GBP3: variants seen among roughly 807,000 people sequenced by gnomAD.
GBP3 encodes the protein guanylate binding protein 3.
GBP3 carries 55 observed loss-of-function variants against 62.4 expected under a neutral mutation model. The observed-to-expected ratio is 0.88, with a 90% confidence interval of 0.71 to 1.10. The LOEUF (loss-of-function observed/expected upper bound fraction) is 1.10. Among genes scored for constraint, GBP3 ranks in the 50% least tolerant of loss-of-function variants. GBP3 has a pLI of 0.00. For missense variants in GBP3, 605 were observed against 690.6 expected (o/e 0.88, Z 1.39); for synonymous variants, 208 against 259.2 (o/e 0.80, Z 1.90).
At chr1:89,010,491 C>T (rs1169285173) in intron 8 of GBP3, among the ~76,000 whole-genome samples, 1 of 137,892 alleles carries the variant, frequency 7.3e-6, no homozygotes, top group African/African-American at 2.5e-5. Context: ...GCAATCTTGG[C>T]TCACTGAACC....
rs74672277 is a variant in GBP3, at chr1:89,012,580, C to A, written c.869-553G>T. Among the ~76,000 whole-genome samples, 954 of 138,488 alleles carry A rather than the reference C, an allele frequency of 6.9e-3. 236 individuals are homozygous for A. Among genetic ancestry groups the A allele is most frequent in the Non-Finnish European group, 0.011 (659 of 59,966 alleles). 90.9% of individuals were successfully genotyped at this position (138,488 alleles called of 152,430 possible). ...TTTGAAATATAGCCATGTGAATTGA[C>A]CTTTAATTTTTCCTTATTTTAATTA... On this transcript the variant is annotated intron_variant, in intron 6 of 10. Transcript: ENST00000370481.
At chr1:89,011,605 A>C in intron 7 of GBP3, 142 bp downstream of exon 7, 1 of 1,067,766 alleles carries the variant, frequency 9.4e-7, no homozygotes. Flanking sequence ...TTTTTGTCTG[A>C]TTATTATGAT....
intron 2 of GBP3, among the ~76,000 whole-genome samples, chr1:89,019,349 C>T (rs1424167899): frequency 6.6e-6 from 1 of 152,250 alleles, no homozygotes; most frequent in African/African-American, 2.4e-5. Flanking sequence ...AGTGCAAAGG[C>T]ACGATCTTGG....
intron 8 of GBP3, 113 bp from the exon 9 acceptor site, chr1:89,009,607 G>A (rs1272287860): frequency 2.0e-6 from 3 of 1,469,474 alleles, no homozygotes; most frequent in Non-Finnish European, 2.8e-6. Flanking sequence ...GCCCTGGTGT[G>A]CCTGGTGGTC....
Position 89,008,929 on chromosome 1 carries a change from G to A in GBP3, c.1659+18C>T, listed in dbSNP as rs1389576716. ...GAGAAAACAGAAAAACGAACCACAA[G>A]GTGATGCATTTGGATACCTGAAGTT... On this transcript the variant is annotated intron_variant, in intron 10 of 10. Coordinates refer to ENST00000370481, the MANE Select transcript of GBP3 (RefSeq NM_018284.3). 6.2e-7 allele frequency: 1 copy of A among 1,613,870 alleles called. No individual in the cohort carries two copies.
chr1:89,016,222 A>T (rs1351481869), intron 2 of GBP3, among the ~76,000 whole-genome samples: 1 of 152,174 alleles, frequency 6.6e-6, no homozygotes, highest in African/African-American at 2.4e-5. Context: ...TTCAGAATAA[A>T]ATTGGCCAGG....
At chr1:89,012,206 GT>G (rs960307716) in intron 6 of GBP3, among the ~76,000 whole-genome samples, 179 bp from the exon 7 acceptor site, 1 of 138,908 alleles carries the variant, frequency 7.2e-6, no homozygotes, top group Non-Finnish European at 1.7e-5. Flanking sequence ...CTGAATTAGA[GT>G]TTTTTCTTTG....
At chr1:89,018,474 T>C (rs896433957) in intron 2 of GBP3, among the ~76,000 whole-genome samples, 1 of 152,248 alleles carries the variant, frequency 6.6e-6, no homozygotes, top group Non-Finnish European at 1.5e-5. Flanking sequence ...TGAGAATTTC[T>C]GGTCTAACCG....
At chr1:89,022,619 T>G (rs1450783778) in intron 1 of GBP3, 65 bp downstream of exon 1, 1 of 152,212 alleles carries the variant, frequency 6.6e-6, no homozygotes, top group African/African-American at 2.4e-5. Context: ...GCCACAACGT[T>G]ATAGGCTCCA....
intron 7 of GBP3, among the ~76,000 whole-genome samples, chr1:89,011,484 G>C (rs574783242): frequency 7.2e-6 from 1 of 139,462 alleles, no homozygotes; most frequent in Non-Finnish European, 1.7e-5. Flanking sequence ...AGAAGAGTGG[G>C]CATGTAATTT....
Position 89,013,410 on chromosome 1 carries a change from T to G in GBP3, c.643A>C (p.Lys215Gln). The stretch of plus-strand genomic sequence containing the variant: ...CAGAGTCGGGGCAGATTAAAATTTT[T>G]ATCTTTTTGACTGGTACCTAGAGAA... ...KLTQGTSQKD[K>Q]NFNLPRLCIR... Residue 215 changes from lysine (K) to glutamine (Q), a missense_variant, in exon 6 of 11, where the codon AAA (lysine) becomes CAA (glutamine). Physicochemically the swap from Lys to Gln is moderately conservative, Grantham distance 53. Around this residue, in one of 3 missense-constraint regions of GBP3, gnomAD observed 308 missense variants for 318.0 expected, o/e 0.97. Coordinates refer to ENST00000370481, the MANE Select transcript of GBP3 (RefSeq NM_018284.3). 6.2e-7 allele frequency: 1 copy of G among 1,611,438 alleles called. No homozygotes were observed.
intron 2 of GBP3, among the ~76,000 whole-genome samples, chr1:89,017,059 C>T (rs1678924760): frequency 6.6e-6 from 1 of 152,034 alleles, no homozygotes; most frequent in South Asian, 2.1e-4. Flanking sequence ...TCAAAATAAT[C>T]TCAAAAAGGA....
At chr1:89,013,473 TA>T in intron 5 of GBP3, 46 bp from the exon 6 acceptor site, 1 of 1,561,034 alleles carries the variant, frequency 6.4e-7, no homozygotes, top group African/African-American at 1.4e-5. Flanking sequence ...AGTGTTTCCG[TA>T]AAGCGTCAAA....
Position 89,014,290 on chromosome 1 carries a change from A to T in GBP3, c.429-11T>A, listed in dbSNP as rs1185895713. On this transcript the variant is annotated splice_polypyrimidine_tract_variant and intron_variant, in intron 4 of 10. Transcript: ENST00000370481. ...AGCTCTGTCACATAGCTGAGTAGCT[A>T]ACTAAGGAAATGTGACAAAATGAAC... 1.2e-6 allele frequency: 2 copies of T among 1,614,094 alleles called. No homozygotes were observed. Among genetic ancestry groups the T allele is most frequent in the South Asian group, 2.2e-5 (2 of 91,080 alleles).
Position 89,013,178 on chromosome 1 carries a change from G to C in GBP3, c.868+7C>G. The stretch of plus-strand genomic sequence containing the variant: ...CAATGAGTGGAAGTACTACGAAGGG[G>C]ACTTACGAGGCCCATTGACCTTGAT... On this transcript the variant is annotated splice_region_variant and intron_variant, in intron 6 of 10. Transcript: ENST00000370481. 1 of 1,612,164 alleles carries C rather than the reference G, an allele frequency of 6.2e-7. No individual in the cohort carries two copies. The highest frequency in any genetic ancestry group is 8.5e-7 in the Non-Finnish European group (1 of 1,178,470).
Position 89,011,697 on chromosome 1 carries a change from TAC to T in GBP3, c.1149+48_1149+49del. 5 of 1,449,556 alleles carry T rather than the reference TAC, an allele frequency of 3.4e-6. 2 individuals are homozygous for T. Among genetic ancestry groups the T allele is most frequent in the Non-Finnish European group, 4.8e-6 (5 of 1,045,864 alleles). The allele number at this position is 1,449,556 out of a possible 1,614,324, so 89.8% of individuals were successfully genotyped here. Reference sequence around the variant, plus strand: ...AAATACCAATTTCATTTCTTAGTAGTACTTTGCCTTCCAAAATCCAAATCCAT... The same window carrying T: ...AAATACCAATTTCATTTCTTAGTAGTTTTGCCTTCCAAAATCCAAATCCAT... On this transcript the variant is annotated intron_variant, in intron 7 of 10. Transcript: ENST00000370481.
intron 2 of GBP3, among the ~76,000 whole-genome samples, chr1:89,016,017 G>A (rs1678871496): frequency 1.3e-5 from 2 of 152,294 alleles, no homozygotes; most frequent in South Asian, 4.1e-4. Context: ...TCTATTTACT[G>A]ATGATATGAT....
At chr1:89,021,788 T>TGAAAGAGAGA (rs1679236245) in intron 1 of GBP3, among the ~76,000 whole-genome samples, 1 of 65,312 alleles carries the variant, frequency 1.5e-5, no homozygotes, top group African/African-American at 4.6e-5. Flanking sequence ...GCTGGAAAGA[T>TGAAAGAGAGA]GAGAGAGAGA....
In GBP3 at chr1:89,006,878, A is replaced by C. The variant is rs562295388; in HGVS notation, c.*846T>G. 1 of 152,378 alleles carries C rather than the reference A, an allele frequency of 6.6e-6. No homozygotes were observed. The highest frequency in any genetic ancestry group is 1.5e-5 in the Non-Finnish European group (1 of 68,038). 9.4% of individuals were successfully genotyped at this position (152,378 alleles called of 1,614,324 possible). A position where few individuals can be genotyped will look rare whatever the true frequency, so the allele number is the denominator to read the frequency against. ...TTTGGGGAAAATTGGCAGGATTTCA[A>C]GTATGACCTTTAAGAATCAGGAAAA... On this transcript the variant is annotated 3_prime_UTR_variant, in exon 11 of 11. Transcript: ENST00000370481.
Sources: gnomAD v4.1 joint callset for allele counts (sites outside exome capture counted in the v4.1 genomes callset) on GRCh38, gnomAD v4.1.1 for gene constraint, gnomAD v4.1.1 regional missense constraint, MANE v1.5 for transcripts, NCBI Gene and HGNC (gene_info 2026-07-23, HGNC 2026-07-21) for gene names.